VPS13B: variants seen among roughly 807,000 people sequenced by gnomAD.
VPS13B encodes intermembrane lipid transfer protein VPS13B.
Under a neutral mutation model 426.4 loss-of-function variants are expected in VPS13B, and 285 were observed. The observed-to-expected ratio is 0.67, with a 90% confidence interval of 0.61 to 0.74. The LOEUF is 0.74. Among genes scored for constraint, VPS13B ranks in the 30% least tolerant of loss-of-function variants. The pLI is 0.00. For missense variants in VPS13B, 4,537 were observed against 4,782.6 expected (o/e 0.95, Z 1.51); for synonymous variants, 1,676 against 1,676.4 (o/e 1.00, Z 0.01).
intron 30 of VPS13B, among the ~76,000 whole-genome samples, chr8:99,534,702 C>T (rs952871169): frequency 6.6e-6 from 1 of 152,046 alleles, no homozygotes; most frequent in Non-Finnish European, 1.5e-5. Context: ...TGGCTGTTCA[C>T]CATAACCACC....
intron 17 of VPS13B, among the ~76,000 whole-genome samples, chr8:99,253,048 A>T (rs542087326): frequency 1.4e-4 from 21 of 152,206 alleles, no homozygotes; most frequent in African/African-American, 5.1e-4. Flanking sequence ...TCTCTGTGGA[A>T]TTCTGATTTT....
chr8:99,679,789 T>C (rs1209834409), intron 35 of VPS13B, among the ~76,000 whole-genome samples: 1 of 152,230 alleles, frequency 6.6e-6, no homozygotes, highest in Non-Finnish European at 1.5e-5. Context: ...TACCTGTGAA[T>C]ACTCCGTCTC....
At chr8:99,177,719 T>C (rs1341105302) in intron 16 of VPS13B, among the ~76,000 whole-genome samples, 1 of 152,258 alleles carries the variant, frequency 6.6e-6, no homozygotes, top group Non-Finnish European at 1.5e-5. Context: ...TTAAACTTAG[T>C]AAAATAGTTT....
chr8:99,139,391 C>T (rs1810266570), intron 12 of VPS13B, among the ~76,000 whole-genome samples: 1 of 151,698 alleles, frequency 6.6e-6, no homozygotes, highest in Admixed American at 6.6e-5. Context: ...CCCAACCTAT[C>T]CAGCTCTAGA....
intron 33 of VPS13B, among the ~76,000 whole-genome samples, chr8:99,603,365 A>G (rs1445745674): frequency 6.6e-6 from 1 of 152,236 alleles, no homozygotes. Context: ...CTGCACATAC[A>G]TATCTATGAT....
chr8:99,301,444 C>G (rs1331405114), intron 19 of VPS13B, among the ~76,000 whole-genome samples: 1 of 152,168 alleles, frequency 6.6e-6, no homozygotes, highest in South Asian at 2.1e-4. Context: ...CAGGCATGCA[C>G]CACCACTCCC....
chr8:99,069,455 T>G (rs1225577169), intron 3 of VPS13B, among the ~76,000 whole-genome samples: 1 of 152,184 alleles, frequency 6.6e-6, no homozygotes, highest in Non-Finnish European at 1.5e-5. Context: ...ATTTTGTGAT[T>G]GAGAGACAAA....
At chr8:99,271,832 C>G (rs1020416168) in intron 17 of VPS13B, among the ~76,000 whole-genome samples, 3 of 152,166 alleles carry the variant, frequency 2.0e-5, no homozygotes, top group Non-Finnish European at 4.4e-5. Context: ...GGAAACTGCT[C>G]CCATAATCCA....
chr8:99,804,195 T>A (rs1813273760), intron 43 of VPS13B: 1 of 152,716 alleles, frequency 6.5e-6, no homozygotes, highest in Admixed American at 6.5e-5. Flanking sequence ...TGTTGAAGCT[T>A]GGCTTGTGCT....
At chr8:99,696,711 C>T (rs1832019980) in intron 35 of VPS13B, 1 of 880,930 alleles carries the variant, frequency 1.1e-6, no homozygotes, top group East Asian at 2.5e-5. Flanking sequence ...TGCCACCAGA[C>T]TTCTCCGTTT....
intron 25 of VPS13B, among the ~76,000 whole-genome samples, chr8:99,495,721 G>C (rs531952214): frequency 6.6e-6 from 1 of 152,190 alleles, no homozygotes; most frequent in African/African-American, 2.4e-5. Flanking sequence ...TTGCACTTTA[G>C]AGTTGTTTTT....
chr8:99,816,233 G>T (rs1040524777), intron 44 of VPS13B, among the ~76,000 whole-genome samples: 7 of 152,042 alleles, frequency 4.6e-5, no homozygotes, highest in Non-Finnish European at 2.9e-5. Context: ...CTCCTGAGTA[G>T]CTGGGATTAC....
At chr8:99,224,297 C>G (rs901865767) in intron 17 of VPS13B, among the ~76,000 whole-genome samples, 8 of 152,060 alleles carry the variant, frequency 5.3e-5, no homozygotes, top group Admixed American at 1.3e-4. Context: ...GGAAACATTT[C>G]TAAGTTTTTT....
chr8:99,107,777 T>C (rs1036918827), intron 5 of VPS13B, among the ~76,000 whole-genome samples: 6 of 152,236 alleles, frequency 3.9e-5, no homozygotes, highest in African/African-American at 1.4e-4. Flanking sequence ...TGAATTGTTC[T>C]CTAAAATGAT....
chr8:99,837,219 G>A (rs1563500587), intron 54 of VPS13B, among the ~76,000 whole-genome samples: 1 of 152,160 alleles, frequency 6.6e-6, no homozygotes, highest in Non-Finnish European at 1.5e-5. Context: ...GACAGGGGAA[G>A]GGATGGTTGA....
rs939656950 is a variant in VPS13B, at chr8:99,024,144, C to T, written c.147+10209C>T. Reference sequence around the variant, plus strand: ...TATTGTGGTTTTTATTTCCATTTTCCCTGTGATTAGTGATGTTGAACATTT... The same window carrying T: ...TATTGTGGTTTTTATTTCCATTTTCTCTGTGATTAGTGATGTTGAACATTT... On this transcript the variant is annotated intron_variant, in intron 2 of 61. Transcript: ENST00000357162. Among the ~76,000 whole-genome samples, 12 of 151,942 alleles carry T rather than the reference C, an allele frequency of 7.9e-5. No individual in the cohort carries two copies. The East Asian group carries it at 2.3e-3, about 29-fold the overall frequency.
chr8:99,417,264 A>G (rs1314285645), intron 21 of VPS13B, among the ~76,000 whole-genome samples: 1 of 152,190 alleles, frequency 6.6e-6, no homozygotes, highest in African/African-American at 2.4e-5. Flanking sequence ...GATAAAAGCC[A>G]AAGAGTGGGA....
intron 30 of VPS13B, among the ~76,000 whole-genome samples, chr8:99,544,063 C>T (rs1465252579): frequency 1.4e-5 from 2 of 146,904 alleles, no homozygotes; most frequent in Non-Finnish European, 3.0e-5. Context: ...GGAACCAACC[C>T]AAATGTCCAA....
intron 43 of VPS13B, among the ~76,000 whole-genome samples, chr8:99,804,704 T>C (rs1813299690): frequency 6.6e-6 from 1 of 152,098 alleles, no homozygotes; most frequent in African/African-American, 2.4e-5. Context: ...GTTTATAAAA[T>C]AAATGGGCCG....
Sources: allele counts gnomAD v4.1 joint callset (sites outside exome capture counted in the v4.1 genomes callset), GRCh38; gene constraint gnomAD v4.1.1; transcripts MANE v1.5; gene names NCBI Gene and HGNC (gene_info 2026-07-23, HGNC 2026-07-21).